FOCAD: variants seen among roughly 807,000 people sequenced by gnomAD.
FOCAD encodes focadhesin, also known as KIAA1797.
A neutral mutation model predicts 225.6 loss-of-function variants in FOCAD; 198 were observed. The observed-to-expected ratio is 0.88, with a 90% CI of 0.78 to 0.99. The LOEUF (loss-of-function observed/expected upper bound fraction) is 0.99, where lower values mean the gene tolerates loss of function less well. FOCAD is among the 50% of genes least tolerant of loss of function. The pLI is 0.00. For missense variants in FOCAD, 2,713 were observed against 2,123.6 expected (o/e 1.28, Z -5.46); for synonymous variants, 897 against 755.0 (o/e 1.19, Z -3.08).
Position 20,981,693 on chromosome 9 carries a change from A to G in FOCAD, c.4638+7A>G. On this transcript the variant is annotated splice_region_variant and intron_variant, in intron 38 of 43. Transcript: ENST00000338382. ...CCTGCCAAATAAGATTCGGGTGAGG[A>G]ACAAAAATATTTACATTCCTGACAA... 6.3e-7 allele frequency: 1 copy of G among 1,598,934 alleles called. No homozygotes were observed. Among genetic ancestry groups the G allele is most frequent in the Non-Finnish European group, 8.5e-7 (1 of 1,172,692 alleles).
intron 1 of FOCAD, among the ~76,000 whole-genome samples, chr9:20,704,011 TATC>T (rs1247380082): frequency 6.6e-6 from 1 of 152,214 alleles, no homozygotes; most frequent in Non-Finnish European, 1.5e-5. Context: ...GTTGCTCTGT[TATC>T]ATGATGATAG....
At chr9:20,929,069 T>A (rs1011246241) in intron 26 of FOCAD, 3 of 269,154 alleles carry the variant, frequency 1.1e-5, no homozygotes, top group African/African-American at 6.7e-5. Flanking sequence ...ACTGAAATTG[T>A]TTCAAGCCTT....
chr9:20,691,702 G>A (rs1452380063), intron 1 of FOCAD, among the ~76,000 whole-genome samples: 2 of 151,432 alleles, frequency 1.3e-5, no homozygotes, highest in South Asian at 2.1e-4. Context: ...GGATGGTCTC[G>A]ATTTCCTAAC....
At chr9:20,724,422 T>C (rs919465751) in intron 4 of FOCAD, among the ~76,000 whole-genome samples, 1 of 152,146 alleles carries the variant, frequency 6.6e-6, no homozygotes, top group African/African-American at 2.4e-5. Context: ...AATAAGCAAA[T>C]ATAGGAGTTT....
chr9:20,942,079 T>C (rs890367831), intron 28 of FOCAD, among the ~76,000 whole-genome samples: 28 of 152,198 alleles, frequency 1.8e-4, no homozygotes, highest in African/African-American at 6.3e-4. Context: ...GGGGACCTAT[T>C]CAGAGGGGCA....
chr9:20,949,466 G>A, intron 32 of FOCAD, 138 bp from the exon 33 acceptor site: 2 of 660,968 alleles, frequency 3.0e-6, no homozygotes, highest in Admixed American at 2.6e-5. Flanking sequence ...GGAGTTCATA[G>A]CTTATGTATT....
At chr9:20,715,262 T>C in intron 1 of FOCAD, 60 bp from the exon 2 acceptor site, 1 of 686,648 alleles carries the variant, frequency 1.5e-6, no homozygotes. Context: ...GAATAATTAA[T>C]TGGAGCCCCA....
At chr9:20,717,754 T>C in intron 2 of FOCAD, 40 bp from the exon 3 acceptor site, 1 of 1,501,170 alleles carries the variant, frequency 6.7e-7, no homozygotes, top group Non-Finnish European at 9.2e-7. Flanking sequence ...TGGAAAGAAC[T>C]TCTAAGGGAC....
chr9:20,771,439 A>G (rs1461332611), intron 8 of FOCAD, among the ~76,000 whole-genome samples: 2 of 152,178 alleles, frequency 1.3e-5, no homozygotes, highest in Admixed American at 6.5e-5. Context: ...GCAGGCTACC[A>G]CAGACTGGGT....
intron 43 of FOCAD, among the ~76,000 whole-genome samples, chr9:20,993,974 T>C (rs1362912091): frequency 1.3e-5 from 2 of 152,204 alleles, no homozygotes; most frequent in African/African-American, 2.4e-5. Flanking sequence ...AATTTTTATA[T>C]TTTCCATAAG....
In FOCAD at chr9:20,789,525, C is replaced by T. The variant is rs138298645; in HGVS notation, c.1372C>T (p.His458Tyr). The T allele has an allele frequency of 1.9e-6, 3 of 1,613,868 alleles. No individual in the cohort carries two copies. The African/African-American group carries it at 4.0e-5, about 22-fold the overall frequency. The change falls in exon 11 of 44, where the codon CAC (histidine) becomes TAC (tyrosine). Residue 458 changes from histidine (H) to tyrosine (Y), a missense_variant. His to Tyr is a moderately conservative substitution (Grantham distance 83). Transcript: ENST00000338382. Reference protein sequence around the residue: ...IPAPAFLLLAHLLVEDKGQNL... With the variant: ...IPAPAFLLLAYLLVEDKGQNL... ...TGCGCCTGCCTTTCTTCTGCTGGCT[C>T]ACCTCCTTGTTGAAGACAAAGGACA... is the stretch of plus-strand genomic sequence containing the variant.
chr9:20,949,249 G>T (rs190938432), intron 32 of FOCAD, among the ~76,000 whole-genome samples: 1 of 152,256 alleles, frequency 6.6e-6, no homozygotes, highest in Non-Finnish European at 1.5e-5. Flanking sequence ...ACTCCATTTT[G>T]CATCTTAATG....
chr9:20,770,044 A>C lies in FOCAD; in HGVS notation c.712A>C (p.Ile238Leu). ...CTTTTTTAAACAGGTAAAAGATTTG[A>C]TACAGACAACAGAGGCGATGATGTT... Reference protein sequence around the residue: ...IVPCLQVKDLIQTTEAMMFIE... With the variant: ...IVPCLQVKDLLQTTEAMMFIE... Residue 238 changes from isoleucine to leucine, a missense_variant, in exon 8 of 44, where the codon ATA becomes CTA. Transcript: ENST00000338382. 1 of 1,613,936 alleles carries C rather than the reference A, an allele frequency of 6.2e-7. No homozygotes were observed. Among genetic ancestry groups the C allele is most frequent in the Non-Finnish European group, 8.5e-7 (1 of 1,179,848 alleles).
intron 11 of FOCAD, among the ~76,000 whole-genome samples, chr9:20,809,513 A>T (rs890909948): frequency 1.5e-4 from 23 of 152,134 alleles, no homozygotes; most frequent in African/African-American, 4.8e-4. Flanking sequence ...GTATTGGGCA[A>T]CCTAGCTCTA....
At chr9:20,758,428 A>C (rs1563953296) in intron 6 of FOCAD, among the ~76,000 whole-genome samples, 1 of 151,884 alleles carries the variant, frequency 6.6e-6, no homozygotes, top group African/African-American at 2.4e-5. Flanking sequence ...GGTAGGTTAC[A>C]TATGTATACA....
chr9:20,936,794 G>A (rs1046251160), intron 28 of FOCAD, among the ~76,000 whole-genome samples: 1 of 152,358 alleles, frequency 6.6e-6, no homozygotes, highest in African/African-American at 2.4e-5. Flanking sequence ...AATTGTCCCT[G>A]TTTGTAGATG....
intron 25 of FOCAD, among the ~76,000 whole-genome samples, chr9:20,924,951 T>C (rs1161321326): frequency 6.6e-6 from 1 of 152,198 alleles, no homozygotes; most frequent in Non-Finnish European, 1.5e-5. Flanking sequence ...GTAGGACAGC[T>C]AGTTTGATTG....
chr9:20,829,944 A>G (rs1427491540), intron 15 of FOCAD, among the ~76,000 whole-genome samples: 5 of 152,062 alleles, frequency 3.3e-5, no homozygotes, highest in Non-Finnish European at 1.5e-5. Context: ...TATCTCATTT[A>G]ATTCTTACAA....
intron 35 of FOCAD, among the ~76,000 whole-genome samples, 193 bp downstream of exon 35, chr9:20,953,258 A>G (rs760463228): frequency 5.3e-5 from 8 of 152,224 alleles, no homozygotes; most frequent in South Asian, 2.1e-4. Context: ...AAATATACAC[A>G]TTGTGTGGTT....
Sources: allele counts gnomAD v4.1 joint callset (sites outside exome capture counted in the v4.1 genomes callset), GRCh38; gene constraint gnomAD v4.1.1; transcripts MANE v1.5; gene names NCBI Gene and HGNC (gene_info 2026-07-23, HGNC 2026-07-21).